The following TG variants were observed in gnomAD, a reference collection of about 807,000 sequenced individuals.
TG encodes thyroglobulin, also known as thyroid hormones.
Under a neutral mutation model 324.7 loss-of-function variants are expected in TG, and 270 were observed. That is an observed-to-expected ratio of 0.83 (90% CI 0.75 to 0.92). The LOEUF is 0.92. Ranked by LOEUF, TG falls within the 40% of genes least tolerant of loss-of-function variation. The pLI is 0.00. For missense variants in TG, 3,591 were observed against 3,456.4 expected (o/e 1.04, Z -0.98); for synonymous variants, 1,401 against 1,327.0 (o/e 1.06, Z -1.21).
In TG at chr8:132,929,122, C is replaced by A. The variant is rs374297725; in HGVS notation, c.4746C>A (p.Asp1582Glu). ...TTCCAGAATCAAAGGTGATCTTCGA[C>A]GCCAATGCTCCTGTGGCTGTCAGAT... is the stretch of plus-strand genomic sequence containing the variant. Reference protein sequence around the residue: ...EKVPESKVIFDANAPVAVRSK... With the variant: ...EKVPESKVIFEANAPVAVRSK... Residue 1582 changes from aspartate to glutamate, a missense_variant, in exon 23 of 48, where the codon GAC becomes GAA. By Grantham distance (45) the Asp-to-Glu change is conservative. Coordinates refer to ENST00000220616, the MANE Select transcript of TG (RefSeq NM_003235.5). The A allele has an allele frequency of 6.2e-7, 1 of 1,614,082 alleles. No homozygotes were observed. Among genetic ancestry groups the A allele is most frequent in the Non-Finnish European group, 8.5e-7 (1 of 1,180,024 alleles).
At chr8:133,048,806 A>G (rs1178895015) in intron 41 of TG, 1 of 172,266 alleles carries the variant, frequency 5.8e-6, no homozygotes, top group African/African-American at 2.4e-5. Context: ...CATCCTAAGC[A>G]TGGAAGTGGC....
In TG at chr8:132,906,818, C is replaced by A. The variant is rs150204986; in HGVS notation, c.3765C>A (p.Ser1255Arg). The A allele has an allele frequency of 5.6e-6, 9 of 1,614,046 alleles. No individual in the cohort carries two copies. In the African/African-American group the frequency reaches 8.0e-5, roughly 14 times the overall value. ...TGCTGTGCCGCCAGGGCTCCTGGAGCGTGTTTCCACCAGGGCCATTGATAT... is the reference window on the plus strand; with the variant it reads ...TGCTGTGCCGCCAGGGCTCCTGGAGAGTGTTTCCACCAGGGCCATTGATAT... Reference protein sequence around the residue: ...CQLLCRQGSWSVFPPGPLICS... With the variant: ...CQLLCRQGSWRVFPPGPLICS... Residue 1255 changes from serine (S) to arginine (R), a missense_variant, in exon 17 of 48, where the codon AGC becomes AGA. Ser to Arg is a moderately radical substitution (Grantham distance 110). Coordinates refer to ENST00000220616, the MANE Select transcript of TG (RefSeq NM_003235.5).
At chr8:132,944,232 G>C (rs1489123189) in intron 26 of TG, among the ~76,000 whole-genome samples, 1 of 152,074 alleles carries the variant, frequency 6.6e-6, no homozygotes. Flanking sequence ...AGATCGAGGT[G>C]TATTCCATCC....
intron 35 of TG, 92 bp from the exon 36 acceptor site, chr8:133,011,809 G>T: frequency 6.4e-7 from 1 of 1,570,876 alleles, no homozygotes; most frequent in Non-Finnish European, 8.7e-7. Flanking sequence ...ATGCCCCTAA[G>T]GCTGCCTTTG....
At chr8:132,905,782 G>C (rs961424362) in intron 16 of TG, among the ~76,000 whole-genome samples, 2 of 152,016 alleles carry the variant, frequency 1.3e-5, no homozygotes, top group East Asian at 1.9e-4. Context: ...CTGGTGGCCT[G>C]GGAATTCAAA....
At chr8:132,909,461 A>G (rs548127851) in intron 18 of TG, among the ~76,000 whole-genome samples, 2 of 152,236 alleles carry the variant, frequency 1.3e-5, no homozygotes, top group Non-Finnish European at 2.9e-5. Context: ...GCTGAGGACC[A>G]TGCTGAAGAC....
At chr8:132,956,089 C>A (rs1826820837) in intron 27 of TG, among the ~76,000 whole-genome samples, 1 of 152,194 alleles carries the variant, frequency 6.6e-6, no homozygotes, top group African/African-American at 2.4e-5. Flanking sequence ...TGGAATGATG[C>A]TTGCTTGCAT....
intron 41 of TG, among the ~76,000 whole-genome samples, chr8:133,056,738 A>G (rs1841504162): frequency 6.6e-6 from 1 of 152,238 alleles, no homozygotes; most frequent in South Asian, 2.1e-4. Context: ...GGCTGTGAGC[A>G]CCAAGCGGCT....
intron 35 of TG, chr8:132,995,375 G>A (rs1302182105): frequency 2.1e-5 from 21 of 985,120 alleles, no homozygotes; most frequent in Admixed American, 6.2e-5. Context: ...GGTCTCTAAC[G>A]TGGAGGGCAA....
chr8:133,119,200 C>A (rs1449468863), intron 45 of TG, among the ~76,000 whole-genome samples: 1 of 152,212 alleles, frequency 6.6e-6, no homozygotes, highest in African/African-American at 2.4e-5. Flanking sequence ...GAAACTCATG[C>A]AGTCCCCAAA....
intron 45 of TG, among the ~76,000 whole-genome samples, chr8:133,120,173 A>T (rs567524580): frequency 5.9e-5 from 9 of 152,208 alleles, no homozygotes; most frequent in Non-Finnish European, 7.3e-5. Context: ...CATGTAAGGT[A>T]GAGATTACAA....
In TG at chr8:133,113,543, C is replaced by T; in HGVS notation, c.7694C>T (p.Ser2565Phe). 1 of 1,614,130 alleles carries T rather than the reference C, an allele frequency of 6.2e-7. No individual in the cohort carries two copies. Among genetic ancestry groups the T allele is most frequent in the Non-Finnish European group, 8.5e-7 (1 of 1,180,022 alleles). The change falls in exon 44 of 48, where the codon TCT becomes TTT. Residue 2565 changes from serine to phenylalanine, a missense_variant. Ser to Phe is a radical substitution (Grantham distance 155). Transcript: ENST00000220616. ...GAGGCTGCTGCTACATGGTATTACT[C>T]TCTGGAGCACTCCACGGATGACTAT... ...RVEAAATWYYSLEHSTDDYAS... is the reference protein window; with the variant it reads ...RVEAAATWYYFLEHSTDDYAS...
At chr8:132,939,367 A>G (rs1020901621) in intron 25 of TG, among the ~76,000 whole-genome samples, 2 of 152,224 alleles carry the variant, frequency 1.3e-5, no homozygotes, top group African/African-American at 4.8e-5. Context: ...GACTCTCTCA[A>G]GTAGCTTAAA....
intron 18 of TG, 36 bp downstream of exon 18, chr8:132,908,376 A>G (rs764626247): frequency 3.3e-6 from 5 of 1,512,730 alleles, no homozygotes; most frequent in Admixed American, 2.1e-5. Context: ...GAGGGCTTGG[A>G]CTCAACTCAG....
At position 132,970,192 on chromosome 8, in the gene TG, A is replaced by G. The variant is rs746776552; in HGVS notation, c.5975+623A>G. Among the ~76,000 whole-genome samples the G allele has an allele frequency of 3.9e-5, 6 of 152,074 alleles. No individual in the cohort carries two copies. The East Asian group carries it at 9.6e-4, about 24-fold the overall frequency. On this transcript the variant is annotated intron_variant, in intron 32 of 47. Transcript: ENST00000220616. ...TGGAAATTTTAACAGACTCATATACATATAAATAATTTTTATTTTTTATTT... is the reference window on the plus strand; with the variant it reads ...TGGAAATTTTAACAGACTCATATACGTATAAATAATTTTTATTTTTTATTT...
chr8:132,906,638 G>A (rs769452461), intron 16 of TG, 50 bp from the exon 17 acceptor site: 36 of 1,605,960 alleles, frequency 2.2e-5, no homozygotes, highest in Middle Eastern at 2.0e-4. Flanking sequence ...ATGCTCAGTC[G>A]TCCCGAGGCT....
At chr8:133,112,730 T>TAGCCCC (rs1850363271) in intron 43 of TG, among the ~76,000 whole-genome samples, 1 of 152,168 alleles carries the variant, frequency 6.6e-6, no homozygotes, top group Non-Finnish European at 1.5e-5. Context: ...CTATATAAAA[T>TAGCCCC]AGCCCCAGCC....
At chr8:133,131,745 T>C in intron 45 of TG, 67 bp from the exon 46 acceptor site, 1 of 1,600,616 alleles carries the variant, frequency 6.2e-7, no homozygotes, top group South Asian at 1.1e-5. Context: ...TTTGTTTGTG[T>C]GTTTGTGTTT....
chr8:132,924,700 G>C (rs1227836560), intron 22 of TG, among the ~76,000 whole-genome samples: 1 of 152,160 alleles, frequency 6.6e-6, no homozygotes, highest in Non-Finnish European at 1.5e-5. Context: ...TAATCCCAGT[G>C]GTGCCTTTAC....
Sources: gnomAD v4.1 joint callset for allele counts (sites outside exome capture counted in the v4.1 genomes callset) on GRCh38, gnomAD v4.1.1 for gene constraint, MANE v1.5 for transcripts, NCBI Gene and HGNC (gene_info 2026-07-23, HGNC 2026-07-21) for gene names.